MTR: variants seen among roughly 807,000 people sequenced by gnomAD.
MTR encodes the protein methionine synthase.
A neutral mutation model predicts 154.8 loss-of-function variants in MTR; 84 were observed. The observed-to-expected ratio is 0.54, with a 90% CI of 0.45 to 0.65. MTR has a LOEUF of 0.65. Among genes scored for constraint, MTR ranks in the 30% least tolerant of loss-of-function variants. MTR has a pLI of 0.00. For synonymous variants in MTR, 554 were observed against 553.9 expected (o/e 1.00, Z 0.00); for missense variants, 1,275 against 1,570.2 (o/e 0.81, Z 3.18).
At chr1:236,853,693 A>G (rs1664046975) in intron 18 of MTR, among the ~76,000 whole-genome samples, 1 of 152,158 alleles carries the variant, frequency 6.6e-6, no homozygotes. Context: ...TTAGTGTTAC[A>G]TGGTCCCCAC....
intron 9 of MTR, among the ~76,000 whole-genome samples, 193 bp from the exon 10 acceptor site, chr1:236,825,145 T>TTTTTTTTTC (rs2103099833): frequency 6.6e-6 from 1 of 150,590 alleles, no homozygotes; most frequent in East Asian, 1.9e-4. Flanking sequence ...CTGTGATTTT[T>TTTTTTTTTC]TTTTTTTTTT....
At chr1:236,858,632 C>A (rs1664343408) in intron 18 of MTR, among the ~76,000 whole-genome samples, 1 of 152,108 alleles carries the variant, frequency 6.6e-6, no homozygotes, top group African/African-American at 2.4e-5. Flanking sequence ...CAGAATGATT[C>A]TGGGCTGTGG....
rs116376170 is a variant in MTR, at chr1:236,848,495, A to G, written c.1516-1849A>G. ...GTGAAGGGTAGACTTTAAAAGTTCA[A>G]GCCTAAAGGCAGCTGCAAATGGGCT... On this transcript the variant is annotated intron_variant, in intron 15 of 32. Transcript: ENST00000366577. 4.0e-3 allele frequency among the ~76,000 whole-genome samples: 614 copies of G among 152,298 alleles called. 4 individuals carry two copies. The highest frequency in any genetic ancestry group is 0.014 in the African/African-American group (595 of 41,570).
intron 1 of MTR, among the ~76,000 whole-genome samples, chr1:236,798,755 G>A (rs531255343): frequency 6.6e-6 from 1 of 152,330 alleles, no homozygotes; most frequent in Admixed American, 6.5e-5. Flanking sequence ...TGACTAGTCA[G>A]TAGTTAAGTA....
chr1:236,824,301 A>C (rs1662156604), intron 9 of MTR, 82 bp downstream of exon 9: 3 of 1,178,366 alleles, frequency 2.5e-6, no homozygotes, highest in Admixed American at 1.7e-5. Flanking sequence ...ATCTTGAATA[A>C]AAGATCTTGT....
chr1:236,872,297 C>T (rs1665178659), intron 22 of MTR, among the ~76,000 whole-genome samples: 1 of 152,170 alleles, frequency 6.6e-6, no homozygotes, highest in South Asian at 2.1e-4. Context: ...TGCCCCAGCG[C>T]CTGTTCTCCT....
chr1:236,820,575 G>T, intron 8 of MTR: 3 of 500,462 alleles, frequency 6.0e-6, no homozygotes, highest in Admixed American at 3.5e-5. Context: ...TGGAAAATAA[G>T]CGTCAGTTTC....
In MTR at chr1:236,811,254, CA is replaced by C. The variant is rs748742488; in HGVS notation, c.502+661del. On this transcript the variant is annotated intron_variant, in intron 5 of 32. Coordinates refer to ENST00000366577, the MANE Select transcript of MTR (RefSeq NM_000254.3). Reference sequence around the variant, plus strand: ...ACAGGAAAGACCTGCCCCCATGATTCAATTACCCTCACCAGGTCCCCTCTCA... The same window carrying C: ...ACAGGAAAGACCTGCCCCCATGATTCATTACCCTCACCAGGTCCCCTCTCA... 3.9e-5 allele frequency among the ~76,000 whole-genome samples: 6 copies of C among 152,152 alleles called. No homozygotes were observed. In the East Asian group the frequency reaches 5.8e-4, roughly 15 times the overall value.
chr1:236,852,440 C>T, intron 16 of MTR, 81 bp from the exon 17 acceptor site: 5 of 1,000,692 alleles, frequency 5.0e-6, no homozygotes, highest in Non-Finnish European at 8.0e-6. Flanking sequence ...TTTCTTTCCA[C>T]TCCTATATAA....
intron 1 of MTR, among the ~76,000 whole-genome samples, 187 bp downstream of exon 1, chr1:236,795,924 C>A (rs1316682748): frequency 6.6e-6 from 1 of 152,244 alleles, no homozygotes; most frequent in African/African-American, 2.4e-5. Flanking sequence ...ACTCTTTGTC[C>A]GACCTTCACC....
At chr1:236,896,593 T>C (rs1666637459) in intron 31 of MTR, among the ~76,000 whole-genome samples, 2 of 152,246 alleles carry the variant, frequency 1.3e-5, no homozygotes, top group African/African-American at 4.8e-5. Flanking sequence ...CCTTCTTCAC[T>C]GGAGCTCTCA....
chr1:236,870,616 T>A (rs1187433263), intron 22 of MTR, among the ~76,000 whole-genome samples: 1 of 152,130 alleles, frequency 6.6e-6, no homozygotes, highest in Non-Finnish European at 1.5e-5. Context: ...GTCGTCTCAT[T>A]CGTTTTGTGA....
intron 15 of MTR, among the ~76,000 whole-genome samples, chr1:236,841,884 A>G (rs978190286): frequency 6.8e-6 from 1 of 147,662 alleles, no homozygotes. Flanking sequence ...GTCCAGTGCT[A>G]TTCTAACTCT....
chr1:236,808,043 C>T (rs1226025265), intron 3 of MTR, among the ~76,000 whole-genome samples: 1 of 152,142 alleles, frequency 6.6e-6, no homozygotes, highest in Non-Finnish European at 1.5e-5. Flanking sequence ...CACATAGGAT[C>T]TTAGGAATTC....
intron 13 of MTR, among the ~76,000 whole-genome samples, chr1:236,832,844 C>T (rs1662690853): frequency 6.6e-6 from 1 of 152,166 alleles, no homozygotes. Flanking sequence ...TTCATTATTA[C>T]CTGATGGCAT....
intron 22 of MTR, among the ~76,000 whole-genome samples, chr1:236,865,358 T>C (rs1664768702): frequency 6.6e-6 from 1 of 152,192 alleles, no homozygotes; most frequent in African/African-American, 2.4e-5. Context: ...CTTCCATTGG[T>C]GAGTTTAATT....
At position 236,891,291 on chromosome 1, in the gene MTR, G is replaced by T. The variant is rs758291602; in HGVS notation, c.3166G>T (p.Ala1056Ser). The T allele has an allele frequency of 5.0e-6, 8 of 1,614,036 alleles. No individual in the cohort carries two copies. The South Asian group carries it at 8.8e-5, about 18-fold the overall frequency. ...LYAEAAVPQA[A>S]EPIATFYGLR... ...CGCAGAGGCTGCTGTGCCCCAGGCT[G>T]CAGAGCCCATAGCCACCTTCTATGG... Residue 1056 changes from alanine (A) to serine (S), a missense_variant, in exon 29 of 33, where the codon GCA becomes TCA. Coordinates refer to ENST00000366577, the MANE Select transcript of MTR (RefSeq NM_000254.3).
chr1:236,856,288 G>A (rs922800472), intron 18 of MTR, among the ~76,000 whole-genome samples: 5 of 152,066 alleles, frequency 3.3e-5, no homozygotes, highest in African/African-American at 1.2e-4. Flanking sequence ...AGAACAAATG[G>A]TATTTACAGG....
Position 236,894,447 on chromosome 1 carries a change from C to T in MTR, c.3295C>T (p.Leu1099=), listed in dbSNP as rs756366333. 4 of 1,614,090 alleles carry T rather than the reference C, an allele frequency of 2.5e-6. No homozygotes were observed. In the African/African-American group the frequency reaches 5.3e-5, roughly 22 times the overall value. ...LHSGIRDYLG[L]FAVACFGVEE... is the part of the protein sequence containing the mutation. ...TTCTGGCATCCGTGACTACCTGGGC[C>T]TGTTTGCCGTTGCCTGCTTTGGGGT... The change falls in exon 30 of 33, where the codon CTG becomes TTG. Residue 1099 remains leucine, a synonymous_variant. Transcript: ENST00000366577.
Sources: gnomAD v4.1 joint callset for allele counts (sites outside exome capture counted in the v4.1 genomes callset) on GRCh38, gnomAD v4.1.1 for gene constraint, MANE v1.5 for transcripts, NCBI Gene and HGNC (gene_info 2026-07-23, HGNC 2026-07-21) for gene names.